The following CTSO variants were observed in gnomAD, a reference collection of about 807,000 sequenced individuals.
The protein encoded by CTSO is cathepsin O.
In CTSO, 40 loss-of-function variants were observed where a neutral mutation model predicts 42.4. The ratio of observed to expected loss-of-function variants is 0.94; its 90% CI spans 0.73 to 1.23. The LOEUF is 1.23. CTSO is among the 50% of genes most tolerant of loss of function. The pLI, the probability that CTSO is intolerant of heterozygous loss-of-function variation, is 0.00. For missense variants in CTSO, 441 were observed against 396.0 expected (o/e 1.11, Z -0.96); for synonymous variants, 156 against 146.2 (o/e 1.07, Z -0.48).
rs1165124731 is a variant in CTSO, at chr4:155,950,029, C to T, written c.135+3684G>A. Among the ~76,000 whole-genome samples the T allele has an allele frequency of 3.9e-5, 6 of 152,268 alleles. No individual in the cohort carries two copies. In the South Asian group the frequency reaches 1.0e-3, roughly 26 times the overall value. ...TTTAAGGATACACTTTTATAAAGTA[C>T]AGCTTTTGAAAAGTTTCTTAGACAA... On this transcript the variant is annotated intron_variant, in intron 1 of 7. Transcript: ENST00000433477.
chr4:155,942,540 A>T (rs1743461265), intron 2 of CTSO, 84 bp from the exon 3 acceptor site: 3 of 595,214 alleles, frequency 5.0e-6, no homozygotes, highest in Non-Finnish European at 6.8e-6. Flanking sequence ...TTTGTTATAT[A>T]TAAAGACAAT....
chr4:155,947,489 T>C (rs753937009), intron 1 of CTSO, among the ~76,000 whole-genome samples: 32 of 152,324 alleles, frequency 2.1e-4, no homozygotes, highest in South Asian at 6.2e-4. Context: ...ATATTATCTA[T>C]TGAAAGCAAT....
intron 5 of CTSO, among the ~76,000 whole-genome samples, chr4:155,935,798 C>A (rs1199518805): frequency 6.6e-6 from 1 of 152,040 alleles, no homozygotes; most frequent in Non-Finnish European, 1.5e-5. Flanking sequence ...ATAAATAAAT[C>A]AAAGAAAGAT....
rs553296068 is a variant in CTSO, at chr4:155,932,640, G to A, written c.675-2935C>T. 5.3e-4 allele frequency among the ~76,000 whole-genome samples: 81 copies of A among 152,172 alleles called. 1 individual carries two copies. Among genetic ancestry groups the A allele is most frequent in the Admixed American group, 4.1e-3 (62 of 15,280 alleles). On this transcript the variant is annotated intron_variant, in intron 5 of 7. Transcript: ENST00000433477. ...CCTCAACTAATGAATCAGGGAAGAC[G>A]ACAATCACCAACTTGGATGGGATGG...
Position 155,939,398 on chromosome 4 carries a change from A to C in CTSO, c.525T>G (p.Thr175=). 6.2e-7 allele frequency: 1 copy of C among 1,613,996 alleles called. No homozygotes were observed. The highest frequency in any genetic ancestry group is 8.5e-7 in the Non-Finnish European group (1 of 1,179,882). The part of the protein sequence containing the change: ...YNNYGCNGGS[T]LNALNWLNKM... ...TGTTTAACCAGTTCAAAGCATTGAG[A>C]GTAGAGCCTCCATTGCAGCCATAAT... Residue 175 remains threonine (T), a synonymous_variant, in exon 4 of 8, where the codon ACT becomes ACG. Coordinates refer to ENST00000433477, the MANE Select transcript of CTSO (RefSeq NM_001334.3).
chr4:155,946,754 G>A (rs1560790658), intron 1 of CTSO, among the ~76,000 whole-genome samples: 1 of 152,064 alleles, frequency 6.6e-6, no homozygotes, highest in Non-Finnish European at 1.5e-5. Flanking sequence ...GCTCTGCTTC[G>A]TCCTCTCCCT....
rs28535156 is a variant in CTSO, at chr4:155,951,196, G to T, written c.135+2517C>A. ...TTTATGTAAAATCACATGTACTTTG[G>T]CATAGATATTATTCTAAAGTGAGTG... On this transcript the variant is annotated intron_variant, in intron 1 of 7. Transcript: ENST00000433477. Among the ~76,000 whole-genome samples the T allele has an allele frequency of 6.4e-3, 969 of 152,126 alleles. 9 individuals are homozygous for T. The highest frequency in any genetic ancestry group is 0.023 in the African/African-American group (937 of 41,488).
chr4:155,953,568 C>T lies in CTSO; in HGVS notation c.135+145G>A, dbSNP rs952710413. On this transcript the variant is annotated intron_variant, in intron 1 of 7. Coordinates refer to ENST00000433477, the MANE Select transcript of CTSO (RefSeq NM_001334.3). ...GGGGAGAGAGAAGCTGGCTTTTGCA[C>T]CCGCAGCTCAGGGCCCCAGACGCAT... is the stretch of plus-strand genomic sequence containing the variant. The T allele has an allele frequency of 7.1e-5, 74 of 1,040,370 alleles. No individual in the cohort carries two copies. In the East Asian group the frequency reaches 2.4e-3, roughly 33 times the overall value. The allele number at this position is 1,040,370 out of a possible 1,614,324, so 64.4% of individuals were successfully genotyped here.
chr4:155,937,355 T>C lies in CTSO; in HGVS notation c.674+7A>G, dbSNP rs772757813. 6.3e-7 allele frequency: 1 copy of C among 1,596,572 alleles called. No individual in the cohort carries two copies. Among genetic ancestry groups the C allele is most frequent in the East Asian group, 2.2e-5 (1 of 44,660 alleles). On this transcript the variant is annotated splice_region_variant and intron_variant, in intron 5 of 7. Transcript: ENST00000433477. ...TAAAGAAAAACATAATACAATAAGA[T>C]CTTTACCTGAAGTCATATGCAGAAT... is the stretch of plus-strand genomic sequence containing the variant.
chr4:155,947,240 T>C (rs1005487223), intron 1 of CTSO, among the ~76,000 whole-genome samples: 2 of 152,226 alleles, frequency 1.3e-5, no homozygotes, highest in African/African-American at 4.8e-5. Context: ...CTCTGAGCTT[T>C]ATTTCCATCA....
intron 7 of CTSO, among the ~76,000 whole-genome samples, chr4:155,926,932 C>A (rs1199771284): frequency 1.3e-5 from 2 of 152,152 alleles, no homozygotes; most frequent in Admixed American, 1.3e-4. Context: ...CAGGATCCAC[C>A]ACTGCTGCAG....
chr4:155,951,309 C>A (rs937744409), intron 1 of CTSO, among the ~76,000 whole-genome samples: 13 of 152,030 alleles, frequency 8.6e-5, no homozygotes, highest in African/African-American at 3.1e-4. Context: ...AAATAATGAG[C>A]ATCAGTAAAT....
chr4:155,934,741 C>T (rs1360928785), intron 5 of CTSO, among the ~76,000 whole-genome samples: 1 of 152,160 alleles, frequency 6.6e-6, no homozygotes, highest in Non-Finnish European at 1.5e-5. Context: ...CCAATTTCTC[C>T]CATTTGGAAT....
At chr4:155,926,592 G>A (rs893146006) in intron 7 of CTSO, among the ~76,000 whole-genome samples, 13 of 152,182 alleles carry the variant, frequency 8.5e-5, no homozygotes, top group Admixed American at 4.6e-4. Flanking sequence ...CCGTATCTTC[G>A]AAATCTCTTG....
At chr4:155,947,869 T>C (rs903086279) in intron 1 of CTSO, among the ~76,000 whole-genome samples, 14 of 152,276 alleles carry the variant, frequency 9.2e-5, no homozygotes, top group East Asian at 1.9e-4. Context: ...ATATAAAATA[T>C]TAAAGAAAAG....
At chr4:155,945,383 T>C (rs1743523125) in intron 1 of CTSO, among the ~76,000 whole-genome samples, 1 of 152,192 alleles carries the variant, frequency 6.6e-6, no homozygotes, top group Admixed American at 6.5e-5. Context: ...GAATAATATT[T>C]TGACAACTTT....
At chr4:155,953,501 G>C (rs1035974793) in intron 1 of CTSO, among the ~76,000 whole-genome samples, 5 of 152,202 alleles carry the variant, frequency 3.3e-5, no homozygotes, top group South Asian at 2.1e-4. Flanking sequence ...AAGTCTTTTG[G>C]TTAGCAAAGG....
chr4:155,945,547 A>G (rs1743527452), intron 1 of CTSO, among the ~76,000 whole-genome samples: 1 of 152,212 alleles, frequency 6.6e-6, no homozygotes, highest in Admixed American at 6.5e-5. Context: ...AGAAAACTTC[A>G]GGCCCAGGTG....
At chr4:155,930,075 A>C (rs193094254) in intron 5 of CTSO, among the ~76,000 whole-genome samples, 1 of 152,228 alleles carries the variant, frequency 6.6e-6, no homozygotes, top group African/African-American at 2.4e-5. Flanking sequence ...ACACTTCCAC[A>C]TATATCTTCA....
Sources: allele counts gnomAD v4.1 joint callset (sites outside exome capture counted in the v4.1 genomes callset), GRCh38; gene constraint gnomAD v4.1.1; transcripts MANE v1.5; gene names NCBI Gene and HGNC (gene_info 2026-07-23, HGNC 2026-07-21).